PPP1R1C: variants seen among roughly 807,000 people sequenced by gnomAD.
The protein encoded by PPP1R1C is protein phosphatase 1 regulatory subunit 1C.
A neutral mutation model predicts 17.4 loss-of-function variants in PPP1R1C; 15 were observed. That is an observed-to-expected ratio of 0.86 (90% CI 0.58 to 1.33). The LOEUF is 1.33. Among genes scored for constraint, PPP1R1C ranks in the 40% most tolerant of loss-of-function variants. The pLI is 0.00. For synonymous variants in PPP1R1C, 35 were observed against 43.1 expected (o/e 0.81, Z 0.73); for missense variants, 143 against 130.0 (o/e 1.10, Z -0.48).
At chr2:181,987,355 C>T (rs984386024) in intron 1 of PPP1R1C, among the ~76,000 whole-genome samples, 3 of 151,738 alleles carry the variant, frequency 2.0e-5, no homozygotes, top group African/African-American at 7.3e-5. Flanking sequence ...AAATATTATA[C>T]TAGAAAATAA....
intron 2 of PPP1R1C, among the ~76,000 whole-genome samples, chr2:181,995,153 A>G (rs1168103057): frequency 1.3e-5 from 2 of 152,248 alleles, no homozygotes; most frequent in Non-Finnish European, 2.9e-5. Context: ...TAGTAAAAAC[A>G]ATAGTATATG....
intron 1 of PPP1R1C, among the ~76,000 whole-genome samples, chr2:181,970,482 T>C (rs938080334): frequency 6.6e-6 from 1 of 152,154 alleles, no homozygotes; most frequent in African/African-American, 2.4e-5. Context: ...TTCTCTTACA[T>C]TTCCCCAAAC....
intron 2 of PPP1R1C, among the ~76,000 whole-genome samples, chr2:182,013,815 A>G (rs1242513283): frequency 6.6e-6 from 1 of 152,172 alleles, no homozygotes; most frequent in Non-Finnish European, 1.5e-5. Flanking sequence ...TTCTGCTATT[A>G]AGAGACTCAG....
At position 181,976,616 on chromosome 2, in the gene PPP1R1C, A is replaced by ATATCTC. The variant is rs1244090200; in HGVS notation, n.157+1357_157+1358insCTATCT. On this transcript the variant is annotated intron_variant and non_coding_transcript_variant, in intron 2 of 5. Transcript: ENST00000464264. The surrounding 1 kb of genome is among the most constrained non-coding windows in gnomAD (Gnocchi z 4.8). Reference sequence around the variant, plus strand: ...TCTATATATCTGTATATCTATATCTATATCTATATCTGTATCTATCTATTC... The same window carrying ATATCTC: ...TCTATATATCTGTATATCTATATCTATATCTCTATCTATATCTGTATCTATCTATTC... Among the ~76,000 whole-genome samples, 3 of 152,152 alleles carry ATATCTC rather than the reference A, an allele frequency of 2.0e-5. No individual in the cohort carries two copies. Among genetic ancestry groups the ATATCTC allele is most frequent in the South Asian group, 4.2e-4 (2 of 4,818 alleles).
At chr2:182,113,011 A>C (rs1295390081) in intron 4 of PPP1R1C, among the ~76,000 whole-genome samples, 1 of 152,210 alleles carries the variant, frequency 6.6e-6, no homozygotes, top group Non-Finnish European at 1.5e-5. Context: ...CTAATTTTTC[A>C]ATAGTACAGA....
intron 4 of PPP1R1C, among the ~76,000 whole-genome samples, chr2:182,080,097 T>C (rs950918061): frequency 6.6e-6 from 1 of 152,232 alleles, no homozygotes; most frequent in African/African-American, 2.4e-5. Context: ...TTAAATAGGT[T>C]GCTATACATA....
chr2:182,117,835 T>C (rs1689634828), downstream of PPP1R1C: 1 of 152,204 alleles, frequency 6.6e-6, no homozygotes, highest in Non-Finnish European at 1.5e-5. Context: ...GCCAGTTTTC[T>C]TGATTCAATA....
At chr2:181,968,152 A>G (rs1196950453) in intron 1 of PPP1R1C, among the ~76,000 whole-genome samples, 1 of 152,226 alleles carries the variant, frequency 6.6e-6, no homozygotes, top group African/African-American at 2.4e-5. Context: ...GGTGCTGAGG[A>G]GAAGATTATG....
chr2:182,018,898 G>A (rs1397748886), intron 2 of PPP1R1C, among the ~76,000 whole-genome samples: 1 of 152,166 alleles, frequency 6.6e-6, no homozygotes. Flanking sequence ...TGATGAGAGA[G>A]TCAAGCAGGA....
chr2:182,056,483 T>C (rs1013227464), intron 2 of PPP1R1C, among the ~76,000 whole-genome samples: 1 of 152,176 alleles, frequency 6.6e-6, no homozygotes, highest in African/African-American at 2.4e-5. Context: ...TACAAGACTG[T>C]TTTTATTGGA....
chr2:182,091,141 G>A (rs1302108164), intron 4 of PPP1R1C, among the ~76,000 whole-genome samples: 1 of 152,162 alleles, frequency 6.6e-6, no homozygotes, highest in Non-Finnish European at 1.5e-5. Context: ...TTAAATCTAT[G>A]TAGGAAAAGC....
chr2:182,001,885 C>T (rs1685775346), intron 2 of PPP1R1C, among the ~76,000 whole-genome samples: 1 of 152,110 alleles, frequency 6.6e-6, no homozygotes, highest in South Asian at 2.1e-4. Flanking sequence ...ACCTTATACA[C>T]AAGGAATCTA....
intron 2 of PPP1R1C, among the ~76,000 whole-genome samples, chr2:181,994,595 A>G (rs145011668): frequency 1.6e-3 from 247 of 152,306 alleles, no homozygotes; most frequent in Admixed American, 3.8e-3. Context: ...ATTTCCCTGA[A>G]TAATCTGACC....
intron 4 of PPP1R1C, 72 bp from the exon 5 acceptor site, chr2:182,117,135 C>G: frequency 9.4e-7 from 1 of 1,065,882 alleles, no homozygotes; most frequent in Non-Finnish European, 1.4e-6. Context: ...TTTTCTTTAT[C>G]TTTTGCAGCA....
chr2:181,957,681 C>A lies in PPP1R1C; in HGVS notation n.111+3047C>A, dbSNP rs899405516. 6.6e-6 allele frequency among the ~76,000 whole-genome samples: 1 copy of A among 151,910 alleles called. No homozygotes were observed. Among genetic ancestry groups the A allele is most frequent in the Non-Finnish European group, 1.5e-5 (1 of 67,978 alleles). On this transcript the variant is annotated intron_variant and non_coding_transcript_variant, in intron 1 of 5. Transcript: ENST00000464264. The surrounding 1 kb of genome is among the most constrained non-coding windows in gnomAD (Gnocchi z 4.2). ...CCAAATAATCAAAATCTGATAATTC[C>A]CATTGCATACCTTAGGAATCTGTCT...
chr2:182,014,372 T>C (rs1202542649), intron 2 of PPP1R1C, among the ~76,000 whole-genome samples: 2 of 152,202 alleles, frequency 1.3e-5, no homozygotes, highest in Non-Finnish European at 2.9e-5. Flanking sequence ...TCTTGTTATC[T>C]TTCATTACTT....
intron 4 of PPP1R1C, among the ~76,000 whole-genome samples, chr2:182,109,126 C>T (rs1045132581): frequency 2.0e-4 from 31 of 152,132 alleles, no homozygotes; most frequent in African/African-American, 6.3e-4. Flanking sequence ...TTTTCATATG[C>T]TTACTTGCCA....
At chr2:182,121,927 A>G (rs1363397771), downstream of PPP1R1C, among the ~76,000 whole-genome samples, 1 of 152,138 alleles carries the variant, frequency 6.6e-6, no homozygotes, top group Non-Finnish European at 1.5e-5. Flanking sequence ...AAAACTCCAG[A>G]TATTAAAGAA....
chr2:182,060,795 G>A (rs1687826732), intron 2 of PPP1R1C, among the ~76,000 whole-genome samples: 1 of 152,050 alleles, frequency 6.6e-6, no homozygotes, highest in Non-Finnish European at 1.5e-5. Flanking sequence ...ATACAATGTA[G>A]GTGACGAGGT....
Sources: gnomAD v4.1 joint callset for allele counts (sites outside exome capture counted in the v4.1 genomes callset) on GRCh38, gnomAD v4.1.1 for gene constraint, Gnocchi (gnomAD v3.1) non-coding constraint, MANE v1.5 for transcripts, NCBI Gene and HGNC (gene_info 2026-07-23, HGNC 2026-07-21) for gene names.